The following C12orf42 variants were observed in gnomAD, a reference collection of about 807,000 sequenced individuals.
The protein encoded by C12orf42 is chromosome 12 open reading frame 42.
In C12orf42, 25 loss-of-function variants were observed where a neutral mutation model predicts 21.6. The ratio of observed to expected loss-of-function variants is 1.16; its 90% CI spans 0.84 to 1.62. The LOEUF (loss-of-function observed/expected upper bound fraction) is 1.62. Among genes scored for constraint, C12orf42 ranks in the 40% most tolerant of loss-of-function variants. The pLI is 0.00. For synonymous variants in C12orf42, 174 were observed against 175.0 expected (o/e 0.99, Z 0.05); for missense variants, 483 against 459.3 (o/e 1.05, Z -0.47).
chr12:103,465,349 C>A (rs909316093), intron 2 of C12orf42, among the ~76,000 whole-genome samples: 1 of 152,106 alleles, frequency 6.6e-6, no homozygotes, highest in East Asian at 1.9e-4. Context: ...GTATTTTATT[C>A]TCTTTGTAGC....
rs2037713530 is a variant in C12orf42 at position 103,302,149 on chromosome 12, G to A, written c.1042C>T (p.Gln348Ter). 1.2e-6 allele frequency: 2 copies of A among 1,611,706 alleles called. No individual in the cohort carries two copies. Among genetic ancestry groups the A allele is most frequent in the Non-Finnish European group, 1.7e-6 (2 of 1,178,772 alleles). ...TTCACCACCGGCCTAGAAAGGGCCT[G>A]TGAACAAACCGTATGGAAACGCCGG... ...PTRRFHTVCSQALSRPVVNAH... is the reference protein window; with the variant it reads ...PTRRFHTVCS The change falls in exon 6 of 6, where the codon CAG becomes TAG. Residue 348 changes from glutamine (Q) to a stop codon, truncating the protein, a stop_gained. Coordinates refer to ENST00000548883, the MANE Select transcript of C12orf42 (RefSeq NM_198521.5). LOFTEE classifies it high-confidence loss of function.
At chr12:103,093,885 G>T in the C12orf42 span, among the ~76,000 whole-genome samples, 1 of 152,174 alleles carries the variant, frequency 6.6e-6, no homozygotes, top group Non-Finnish European at 1.5e-5. Flanking sequence ...AGTCCTCTGT[G>T]TCGGCAGCCT....
At chr12:103,385,220 A>G (rs988755492) in intron 3 of C12orf42, among the ~76,000 whole-genome samples, 9 of 152,240 alleles carry the variant, frequency 5.9e-5, no homozygotes, top group African/African-American at 2.2e-4. Context: ...TGCTGAAAAA[A>G]GAAATATTCC....
chr12:103,376,751 G>A (rs974558630), intron 3 of C12orf42, among the ~76,000 whole-genome samples: 13 of 152,062 alleles, frequency 8.5e-5, no homozygotes, highest in Admixed American at 1.3e-4. Flanking sequence ...TTATAACAAA[G>A]TGTCTTAGTG....
the C12orf42 span, among the ~76,000 whole-genome samples, chr12:103,552,448 A>G: frequency 6.6e-6 from 1 of 152,220 alleles, no homozygotes; most frequent in Non-Finnish European, 1.5e-5. Context: ...TTAGGAAGCC[A>G]TAGTTGATAG....
chr12:103,124,418 G>A, the C12orf42 span, among the ~76,000 whole-genome samples: 2 of 151,882 alleles, frequency 1.3e-5, no homozygotes, highest in African/African-American at 4.8e-5. Context: ...CTGGCTACAG[G>A]GTTTTTACCC....
At chr12:103,207,772 A>G in the C12orf42 span, among the ~76,000 whole-genome samples, 1 of 152,200 alleles carries the variant, frequency 6.6e-6, no homozygotes, top group African/African-American at 2.4e-5. Context: ...GTTCCTTGGC[A>G]TATCTGATCC....
At chr12:103,282,252 A>G (rs1026474133) in intron 4 of C12orf42, among the ~76,000 whole-genome samples, 3 of 152,232 alleles carry the variant, frequency 2.0e-5, no homozygotes, top group African/African-American at 7.2e-5. Flanking sequence ...AAATACATAA[A>G]GACCTTGTTG....
chr12:103,399,409 C>T (rs747321051), intron 3 of C12orf42, among the ~76,000 whole-genome samples: 34 of 151,506 alleles, frequency 2.2e-4, no homozygotes, highest in Admixed American at 9.9e-4. Flanking sequence ...CACTCTGTCG[C>T]CCAGGCTGGA....
chr12:103,222,694 C>T, the C12orf42 span, among the ~76,000 whole-genome samples: 1 of 152,076 alleles, frequency 6.6e-6, no homozygotes, highest in African/African-American at 2.4e-5. Context: ...ACTTTCTATA[C>T]AAATGTAAAT....
At chr12:103,054,379 A>G in the C12orf42 span, among the ~76,000 whole-genome samples, 8 of 151,978 alleles carry the variant, frequency 5.3e-5, no homozygotes, top group South Asian at 1.5e-3. Flanking sequence ...TGGTTTCCAC[A>G]TATTCATTGC....
chr12:103,305,854 C>T (rs1688898250), intron 5 of C12orf42, 120 bp downstream of exon 5: 1 of 1,248,900 alleles, frequency 8.0e-7, no homozygotes, highest in Admixed American at 2.3e-5. Flanking sequence ...ACAGTTCTTA[C>T]AGTACCTTCT....
chr12:103,306,204 G>A lies in C12orf42; in HGVS notation c.401C>T (p.Ser134Phe), dbSNP rs2038304048. The A allele has an allele frequency of 6.2e-7, 1 of 1,613,814 alleles. No homozygotes were observed. Among genetic ancestry groups the A allele is most frequent in the South Asian group, 1.1e-5 (1 of 91,088 alleles). Residue 134 changes from serine to phenylalanine, a missense_variant, in exon 5 of 6, where the codon TCC becomes TTC. Transcript: ENST00000548883. ...CAATGGGGCCTCATCAGTTTCACTGGATGGTGCTGGAGAGGAACGGAATTC... is the reference window on the plus strand; with the variant it reads ...CAATGGGGCCTCATCAGTTTCACTGAATGGTGCTGGAGAGGAACGGAATTC... Reference protein sequence around the residue: ...YEEFRSSPAPSSETDEAPLIF... With the variant: ...YEEFRSSPAPFSETDEAPLIF...
At chr12:103,335,912 T>C (rs1466364481) in intron 4 of C12orf42, among the ~76,000 whole-genome samples, 1 of 152,230 alleles carries the variant, frequency 6.6e-6, no homozygotes, top group Admixed American at 6.5e-5. Context: ...TATATTTGAC[T>C]CAATTAGAAT....
At chr12:103,089,263 T>A in the C12orf42 span, among the ~76,000 whole-genome samples, 1 of 152,152 alleles carries the variant, frequency 6.6e-6, no homozygotes, top group Non-Finnish European at 1.5e-5. Context: ...CCACTCACCT[T>A]AGCAGCTCCT....
chr12:103,161,497 C>G, the C12orf42 span: 1 of 152,126 alleles, frequency 6.6e-6, no homozygotes, highest in African/African-American at 2.4e-5. Context: ...AGAAAAAAAC[C>G]TGTTCAGCTT....
chr12:103,338,087 T>A (rs1031535466), intron 4 of C12orf42, among the ~76,000 whole-genome samples: 6 of 152,198 alleles, frequency 3.9e-5, no homozygotes, highest in African/African-American at 1.4e-4. Flanking sequence ...TTTTGGGAAA[T>A]AGGTTTCCAA....
chr12:103,484,141 T>C (rs531077408), intron 1 of C12orf42, among the ~76,000 whole-genome samples: 2 of 152,362 alleles, frequency 1.3e-5, no homozygotes, highest in East Asian at 1.9e-4. Context: ...TGTGTCTTTA[T>C]AGTAGCATGA....
At chr12:103,458,698 G>A (rs1049278696) in intron 2 of C12orf42, among the ~76,000 whole-genome samples, 28 of 152,146 alleles carry the variant, frequency 1.8e-4, no homozygotes, top group African/African-American at 5.6e-4. Context: ...AACTTGTCCA[G>A]TTTCTTGGAT....
Sources: allele counts gnomAD v4.1 joint callset (sites outside exome capture counted in the v4.1 genomes callset), GRCh38; gene constraint gnomAD v4.1.1; transcripts MANE v1.5; gene names NCBI Gene and HGNC (gene_info 2026-07-23, HGNC 2026-07-21).